ARID1B: variants seen among roughly 807,000 people sequenced by gnomAD.
ARID1B encodes AT-rich interactive domain-containing protein 1B.
ARID1B carries 30 observed loss-of-function variants against 212.3 expected under a neutral mutation model. The observed-to-expected ratio is 0.14, with a 90% confidence interval of 0.11 to 0.19. The LOEUF is 0.19. ARID1B is among the 10% of genes least tolerant of loss of function. ARID1B has a pLI of 1.00. For synonymous variants in ARID1B, 1,402 were observed against 1,301.7 expected (o/e 1.08, Z -1.66); for missense variants, 2,891 against 3,204.0 (o/e 0.90, Z 2.36).
At chr6:156,973,550 T>C (rs1291533269) in intron 4 of ARID1B, among the ~76,000 whole-genome samples, 1 of 152,230 alleles carries the variant, frequency 6.6e-6, no homozygotes, top group Non-Finnish European at 1.5e-5. Flanking sequence ...TGGTTATTGG[T>C]TTAAACAGAA....
intron 2 of ARID1B, among the ~76,000 whole-genome samples, chr6:156,846,542 G>A (rs79515956): frequency 2.6e-5 from 4 of 152,030 alleles, no homozygotes; most frequent in African/African-American, 7.3e-5. Flanking sequence ...CGATCGGCAC[G>A]TTGTGTGTGT....
intron 11 of ARID1B, among the ~76,000 whole-genome samples, chr6:157,178,001 A>G (rs1792221701): frequency 6.6e-6 from 1 of 152,184 alleles, no homozygotes; most frequent in Non-Finnish European, 1.5e-5. Flanking sequence ...TCTATTCACT[A>G]AGTCTTTAAT....
chr6:157,082,417 C>T (rs901812487), intron 4 of ARID1B, among the ~76,000 whole-genome samples: 2 of 152,174 alleles, frequency 1.3e-5, no homozygotes, highest in Non-Finnish European at 2.9e-5. Context: ...TATAAAGTTT[C>T]ACCAGCTGAA....
intron 4 of ARID1B, among the ~76,000 whole-genome samples, chr6:157,001,584 C>T (rs554808470): frequency 1.3e-5 from 2 of 152,298 alleles, no homozygotes; most frequent in South Asian, 4.1e-4. Flanking sequence ...TGTTATTGAG[C>T]ATTTAAAATG....
intron 4 of ARID1B, among the ~76,000 whole-genome samples, chr6:156,992,371 T>A (rs79374694): frequency 5.3e-5 from 8 of 152,204 alleles, no homozygotes; most frequent in Admixed American, 1.3e-4. Context: ...TATGTTAATA[T>A]CTCGTCATCT....
intron 2 of ARID1B, among the ~76,000 whole-genome samples, chr6:156,888,908 C>T (rs1413726851): frequency 1.3e-5 from 2 of 151,986 alleles, no homozygotes; most frequent in African/African-American, 4.8e-5. Context: ...ATGGAAAATA[C>T]TTATTTTTTA....
At chr6:156,806,291 C>A (rs73572253) in intron 1 of ARID1B, among the ~76,000 whole-genome samples, 4 of 152,058 alleles carry the variant, frequency 2.6e-5, no homozygotes, top group Non-Finnish European at 5.9e-5. Flanking sequence ...TTGGAAGGTT[C>A]TTTTAGTTTC....
At chr6:156,885,176 T>C (rs1452086763) in intron 2 of ARID1B, among the ~76,000 whole-genome samples, 1 of 152,072 alleles carries the variant, frequency 6.6e-6, no homozygotes, top group Non-Finnish European at 1.5e-5. Flanking sequence ...CCAGTTATCC[T>C]TATATGTCAC....
chr6:157,110,222 C>T (rs1786805776), intron 5 of ARID1B, among the ~76,000 whole-genome samples: 2 of 152,092 alleles, frequency 1.3e-5, no homozygotes, highest in Admixed American at 1.3e-4. Context: ...CAGATTGATT[C>T]ATATATGAGT....
chr6:156,978,708 G>A (rs1777415645), intron 4 of ARID1B, among the ~76,000 whole-genome samples: 1 of 152,096 alleles, frequency 6.6e-6, no homozygotes, highest in African/African-American at 2.4e-5. Context: ...TAGTTTCATG[G>A]TAGAGTATCT....
intron 8 of ARID1B, among the ~76,000 whole-genome samples, chr6:157,158,607 C>G (rs1280521566): frequency 1.3e-5 from 2 of 152,202 alleles, no homozygotes; most frequent in Non-Finnish European, 2.9e-5. Context: ...GATAAGCTCT[C>G]TGTGTCTGAG....
At position 157,190,536 on chromosome 6, in the gene ARID1B, G is replaced by C. The variant is rs946829114; in HGVS notation, c.4231+326G>C. On this transcript the variant is annotated intron_variant, in intron 15 of 19. Transcript: ENST00000636930. The surrounding 1 kb of genome is among the most constrained non-coding windows in gnomAD (Gnocchi z 4.6). ...AAAATAATAGGACCCGCTTCCAAAG[G>C]CATGGCGAGGATTAAGTTCCTGCAA... Among the ~76,000 whole-genome samples the C allele has an allele frequency of 2.0e-5, 3 of 152,226 alleles. No individual in the cohort carries two copies. The highest frequency in any genetic ancestry group is 7.2e-5 in the African/African-American group (3 of 41,456).
At chr6:156,974,977 G>T (rs1229067838) in intron 4 of ARID1B, among the ~76,000 whole-genome samples, 2 of 152,028 alleles carry the variant, frequency 1.3e-5, no homozygotes, top group Non-Finnish European at 2.9e-5. Flanking sequence ...GAATAGTTCT[G>T]CCAGGAACAG....
chr6:157,155,067 G>A (rs919366575), intron 8 of ARID1B, among the ~76,000 whole-genome samples: 2 of 151,772 alleles, frequency 1.3e-5, no homozygotes, highest in African/African-American at 4.8e-5. Flanking sequence ...TCTGAATTTC[G>A]TTACCTCTGC....
At chr6:157,134,613 G>A (rs1475553987) in intron 7 of ARID1B, among the ~76,000 whole-genome samples, 1 of 152,194 alleles carries the variant, frequency 6.6e-6, no homozygotes, top group Non-Finnish European at 1.5e-5. Flanking sequence ...TGGTCTGCTT[G>A]TTCCCTGTCA....
intron 3 of ARID1B, among the ~76,000 whole-genome samples, chr6:156,931,918 C>T (rs1043388031): frequency 1.7e-4 from 24 of 142,940 alleles, no homozygotes; most frequent in African/African-American, 5.1e-4. Flanking sequence ...GCTGAGATTG[C>T]GCGATGCACT....
chr6:156,895,349 T>C (rs985308834), intron 2 of ARID1B, among the ~76,000 whole-genome samples: 1 of 152,288 alleles, frequency 6.6e-6, no homozygotes, highest in South Asian at 2.1e-4. Flanking sequence ...GAAGGCTTCC[T>C]CCTAGTTCTG....
chr6:156,943,671 A>G (rs1768938342), intron 4 of ARID1B: 1 of 152,190 alleles, frequency 6.6e-6, no homozygotes, highest in Non-Finnish European at 1.5e-5. Flanking sequence ...GTACGTGTTC[A>G]TTGCATGTGA....
intron 5 of ARID1B, among the ~76,000 whole-genome samples, chr6:157,100,684 A>G (rs1785994030): frequency 6.6e-6 from 1 of 152,242 alleles, no homozygotes; most frequent in Admixed American, 6.5e-5. Context: ...GAAATGACCC[A>G]TGAAATCCTT....
Sources: gnomAD v4.1 joint callset for allele counts (sites outside exome capture counted in the v4.1 genomes callset) on GRCh38, gnomAD v4.1.1 for gene constraint, Gnocchi (gnomAD v3.1) non-coding constraint, MANE v1.5 for transcripts, NCBI Gene and HGNC (gene_info 2026-07-23, HGNC 2026-07-21) for gene names.